ACSM6: variants seen among roughly 807,000 people sequenced by gnomAD.
ACSM6 encodes acyl-CoA synthetase medium chain family member 6.
In ACSM6, 35 loss-of-function variants were observed where a neutral mutation model predicts 51.1. That is an observed-to-expected ratio of 0.69 (90% CI 0.52 to 0.91). The LOEUF (loss-of-function observed/expected upper bound fraction) is 0.91. Among genes scored for constraint, ACSM6 ranks in the 40% least tolerant of loss-of-function variants. ACSM6 has a pLI of 0.00. For missense variants in ACSM6, 509 were observed against 584.1 expected (o/e 0.87, Z 1.32); for synonymous variants, 172 against 207.3 (o/e 0.83, Z 1.46).
chr10:95,203,890 G>C (rs539344296), intron 3 of ACSM6, among the ~76,000 whole-genome samples: 104 of 146,752 alleles, frequency 7.1e-4, no homozygotes, highest in African/African-American at 2.5e-3. Flanking sequence ...AAACTGAAAA[G>C]TGATTCAAAG....
At chr10:95,208,152 A>G (rs1364635844) in intron 4 of ACSM6, among the ~76,000 whole-genome samples, 1 of 152,126 alleles carries the variant, frequency 6.6e-6, no homozygotes, top group East Asian at 1.9e-4. Flanking sequence ...AAAAAAAAAA[A>G]GAAATAATGT....
chr10:95,195,587 C>T (rs1241351796), intron 2 of ACSM6, among the ~76,000 whole-genome samples: 4 of 152,150 alleles, frequency 2.6e-5, no homozygotes, highest in Admixed American at 2.6e-4. Context: ...CTCCCTCTGT[C>T]AAGTGGGGCT....
intron 4 of ACSM6, among the ~76,000 whole-genome samples, chr10:95,209,112 G>T (rs773642811): frequency 5.3e-5 from 8 of 152,132 alleles, no homozygotes; most frequent in Non-Finnish European, 1.0e-4. Flanking sequence ...TTGGTCTGAT[G>T]TGGAGATGGG....
chr10:95,211,917 T>G (rs1268681506), exon 6 of ACSM6: 1 of 1,612,886 alleles, frequency 6.2e-7, no homozygotes, highest in African/African-American at 1.3e-5. Flanking sequence ...TCTTGTGGAG[T>G]CTGGGTGATG....
chr10:95,202,644 C>T (rs570090258), intron 3 of ACSM6, among the ~76,000 whole-genome samples: 1 of 152,176 alleles, frequency 6.6e-6, no homozygotes, highest in East Asian at 1.9e-4. Flanking sequence ...TGTAGGGGTA[C>T]TGGGTGCAGT....
At chr10:95,227,072 C>T (rs966532003) in intron 10 of ACSM6, among the ~76,000 whole-genome samples, 3 of 151,758 alleles carry the variant, frequency 2.0e-5, no homozygotes, top group Non-Finnish European at 4.4e-5. Flanking sequence ...CTGCAACCTC[C>T]ACCTCCCGGG....
intron 5 of ACSM6, among the ~76,000 whole-genome samples, chr10:95,211,450 C>T (rs2034891845): frequency 6.6e-6 from 1 of 152,220 alleles, no homozygotes; most frequent in Admixed American, 6.5e-5. Flanking sequence ...TAACAAACTA[C>T]ACAAAGGTCC....
chr10:95,210,416 C>A (rs934388963), intron 4 of ACSM6, among the ~76,000 whole-genome samples: 1 of 152,078 alleles, frequency 6.6e-6, no homozygotes, highest in African/African-American at 2.4e-5. Context: ...GGGTCTTTTA[C>A]TGAGAAAAAT....
At position 95,228,755 on chromosome 10, in the gene ACSM6, G is replaced by A. The variant is rs183053881; in HGVS notation, c.1414G>A (p.Val472Ile). Reference sequence around the variant, plus strand: ...CTGGTGGTCTGGTAGAGTTGATGATGTTGCCAATGCATTGGGTCAGAGATT... The same window carrying A: ...CTGGTGGTCTGGTAGAGTTGATGATATTGCCAATGCATTGGGTCAGAGATT... Residue 472 changes from valine to isoleucine, a missense_variant, in exon 11 of 11, where the codon GTT becomes ATT. Transcript: ENST00000341686. The A allele has an allele frequency of 1.0e-4, 158 of 1,551,576 alleles. No individual in the cohort carries two copies. The African/African-American group carries it at 1.8e-3, about 18-fold the overall frequency.
intron 7 of ACSM6, 113 bp from the exon 8 acceptor site, chr10:95,214,739 G>A (rs1230175958): frequency 3.3e-6 from 4 of 1,226,476 alleles, no homozygotes; most frequent in East Asian, 2.6e-5. Context: ...ACCACTTAAT[G>A]AGCATTTCCT....
In ACSM6 at chr10:95,207,197, GTT is replaced by G. The variant is rs58102963; in HGVS notation, c.404-5_404-4del. 1.0e-4 allele frequency: 163 copies of G among 1,613,334 alleles called. No individual in the cohort carries two copies. The highest frequency in any genetic ancestry group is 1.3e-4 in the Non-Finnish European group (149 of 1,179,692). ...GATAAAAATGAAGCCTTCTTTTGTG[GTT>G]TTTTTCAGGAATCACCTTTGTGCCT... On this transcript the variant is annotated splice_polypyrimidine_tract_variant and intron_variant, in intron 3 of 10. Coordinates refer to ENST00000341686, the Ensembl canonical transcript of ACSM6.
At chr10:95,225,638 A>G in intron 10 of ACSM6, 1 of 357,368 alleles carries the variant, frequency 2.8e-6, no homozygotes, top group Non-Finnish European at 5.0e-6. Context: ...AGACATTATG[A>G]CACTTTGTCC....
At chr10:95,200,549 GAAGAAGA>G (rs1455418136) in intron 2 of ACSM6, among the ~76,000 whole-genome samples, 3 of 128,796 alleles carry the variant, frequency 2.3e-5, no homozygotes, top group Non-Finnish European at 5.2e-5. Context: ...AAGATGAAAA[GAAGAAGA>G]AAGAAGAGGA....
At chr10:95,211,615 GATTA>G (rs1035515257) in intron 5 of ACSM6, among the ~76,000 whole-genome samples, 12 of 152,150 alleles carry the variant, frequency 7.9e-5, no homozygotes, top group South Asian at 2.1e-4. Flanking sequence ...GTGCCTACTG[GATTA>G]ATTAATTTAA....
At chr10:95,219,963 A>G (rs774899760) in exon 9 of ACSM6, 24 of 1,609,000 alleles carry the variant, frequency 1.5e-5, no homozygotes, top group Non-Finnish European at 2.0e-5. Context: ...GCCACCTTAT[A>G]TTGTCCAGGT....
At chr10:95,196,906 TAAGTAGTTTAC>T (rs2034729872) in intron 2 of ACSM6, among the ~76,000 whole-genome samples, 1 of 152,236 alleles carries the variant, frequency 6.6e-6, no homozygotes. Flanking sequence ...GTTACCCCTC[TAAGTAGTTTAC>T]AAGTTTTTTT....
intron 7 of ACSM6, among the ~76,000 whole-genome samples, chr10:95,213,399 A>G (rs2034914170): frequency 6.6e-6 from 1 of 152,140 alleles, no homozygotes; most frequent in African/African-American, 2.4e-5. Flanking sequence ...TTTAAAACAA[A>G]TTTATACCTA....
At chr10:95,212,630 T>C (rs988228584) in intron 6 of ACSM6, among the ~76,000 whole-genome samples, 4 of 152,194 alleles carry the variant, frequency 2.6e-5, no homozygotes, top group African/African-American at 9.6e-5. Context: ...CATTCGGTTA[T>C]CAGTGATTAA....
intron 3 of ACSM6, among the ~76,000 whole-genome samples, chr10:95,206,505 C>T (rs1193341449): frequency 3.9e-5 from 6 of 152,130 alleles, no homozygotes; most frequent in Non-Finnish European, 7.3e-5. Context: ...GATGAAGGTG[C>T]AGTATGTGGG....
Sources: allele counts gnomAD v4.1 joint callset (sites outside exome capture counted in the v4.1 genomes callset), GRCh38; gene constraint gnomAD v4.1.1; transcripts MANE v1.5; gene names NCBI Gene and HGNC (gene_info 2026-07-23, HGNC 2026-07-21).